The following CACNB2 variants were observed in gnomAD, a reference collection of about 807,000 sequenced individuals.
The protein encoded by CACNB2 is calcium voltage-gated channel auxiliary subunit beta 2.
Under a neutral mutation model 73.3 loss-of-function variants are expected in CACNB2, and 42 were observed. The ratio of observed to expected loss-of-function variants is 0.57; its 90% CI spans 0.45 to 0.74. The LOEUF is 0.74. CACNB2 is among the 30% of genes least tolerant of loss of function. The pLI is 0.00. For missense variants in CACNB2, 940 were observed against 853.0 expected, an observed-to-expected ratio of 1.10 and a Z score of -1.27; for synonymous variants, 348 against 310.3, an observed-to-expected ratio of 1.12 and a Z score of -1.28.
intron 2 of CACNB2, among the ~76,000 whole-genome samples, chr10:18,381,449 G>A (rs2043013041): frequency 6.6e-6 from 1 of 152,150 alleles, no homozygotes. Flanking sequence ...CCAAAACTTT[G>A]GGAGGCTGAG....
At chr10:18,279,768 T>C (rs1033076506) in intron 2 of CACNB2, among the ~76,000 whole-genome samples, 14 of 152,182 alleles carry the variant, frequency 9.2e-5, no homozygotes, top group Non-Finnish European at 2.1e-4. Flanking sequence ...AAGCCTAGCT[T>C]GAGCTAAAGA....
chr10:18,408,641 A>G (rs528959563), intron 3 of CACNB2, among the ~76,000 whole-genome samples: 2 of 152,326 alleles, frequency 1.3e-5, no homozygotes, highest in South Asian at 4.1e-4. Context: ...GCCTAAAACC[A>G]AGATGCTCAG....
chr10:18,517,356 C>A lies in CACNB2; in HGVS notation c.805-980C>A, dbSNP rs560345394. On this transcript the variant is annotated intron_variant, in intron 7 of 13. Transcript: ENST00000324631. ...TCAAAAGAGCCAATTTTAATATAAA[C>A]CAATTTGCTGTTACCTAATTTTTGG... 3.3e-5 allele frequency among the ~76,000 whole-genome samples: 5 copies of A among 152,100 alleles called. No individual in the cohort carries two copies. The South Asian group carries it at 1.0e-3, about 32-fold the overall frequency.
intron 3 of CACNB2, among the ~76,000 whole-genome samples, chr10:18,409,295 T>G (rs111313358): frequency 0.029 from 3,096 of 105,472 alleles, 107 homozygotes; most frequent in South Asian, 0.21. Flanking sequence ...GGAAACTCTG[T>G]CTCCAGGAAA....
At chr10:18,150,589 G>A (rs1222550536) in intron 1 of CACNB2, among the ~76,000 whole-genome samples, 6 of 152,172 alleles carry the variant, frequency 3.9e-5, no homozygotes, top group African/African-American at 1.4e-4. Flanking sequence ...CTTGAACCTG[G>A]GAGGCGGAGG....
chr10:18,400,659 T>TTTC, intron 2 of CACNB2: 1 of 945,870 alleles, frequency 1.1e-6, no homozygotes, highest in Non-Finnish European at 1.2e-6. Context: ...TTTTTTTTTC[T>TTTC]GCGATTCTTT....
chr10:18,260,342 G>A (rs767064235), intron 2 of CACNB2: 94 of 659,430 alleles, frequency 1.4e-4, no homozygotes, highest in Non-Finnish European at 1.7e-4. Flanking sequence ...CTAAATCATA[G>A]GTGGTATGAG....
At chr10:18,195,715 A>T (rs2034594644) in intron 2 of CACNB2, among the ~76,000 whole-genome samples, 1 of 152,190 alleles carries the variant, frequency 6.6e-6, no homozygotes, top group South Asian at 2.1e-4. Context: ...GCATTCGTTG[A>T]TAAGTGGTGG....
At chr10:18,408,715 T>C (rs2044436103) in intron 3 of CACNB2, among the ~76,000 whole-genome samples, 1 of 152,224 alleles carries the variant, frequency 6.6e-6, no homozygotes, top group Non-Finnish European at 1.5e-5. Context: ...ACATTCTTTC[T>C]CTTGCTGGAT....
chr10:18,511,285 T>C (rs556053665), intron 6 of CACNB2, among the ~76,000 whole-genome samples: 1 of 152,310 alleles, frequency 6.6e-6, no homozygotes, highest in African/African-American at 2.4e-5. Context: ...TGATTATTTG[T>C]AATAGTGTAC....
intron 2 of CACNB2, among the ~76,000 whole-genome samples, chr10:18,223,015 T>A (rs939762360): frequency 3.9e-5 from 6 of 152,188 alleles, no homozygotes; most frequent in African/African-American, 1.4e-4. Flanking sequence ...CTTTGAGTGT[T>A]CTGTGTGTTA....
chr10:18,453,093 C>T (rs973081263), intron 3 of CACNB2, among the ~76,000 whole-genome samples: 5 of 152,184 alleles, frequency 3.3e-5, no homozygotes, highest in Non-Finnish European at 7.3e-5. Context: ...TCTGCTGCTA[C>T]CTCATTAGTC....
At chr10:18,508,758 C>T (rs978636817) in intron 6 of CACNB2, among the ~76,000 whole-genome samples, 5 of 152,268 alleles carry the variant, frequency 3.3e-5, no homozygotes, top group East Asian at 3.9e-4. Context: ...AAAAGTCTGA[C>T]GTCAAACCAT....
chr10:18,339,122 A>G (rs1477626293), intron 2 of CACNB2, among the ~76,000 whole-genome samples: 1 of 152,066 alleles, frequency 6.6e-6, no homozygotes. Flanking sequence ...ATGTGAGGGT[A>G]TCCCTGGGTA....
rs563682397 is a variant in CACNB2 at position 18,198,430 on chromosome 10, C to A, written c.213+47455C>A. On this transcript the variant is annotated intron_variant, in intron 2 of 13. Transcript: ENST00000324631. ...GTAGCCATCAATCTTCACCACGCTG[C>A]ACTCTGCAAAGCTTCCTAGTTGGTG... 2.8e-4 allele frequency among the ~76,000 whole-genome samples: 42 copies of A among 152,210 alleles called. No individual in the cohort carries two copies. In the South Asian group the frequency reaches 4.4e-3, roughly 16 times the overall value.
At chr10:18,450,602 C>T (rs576089345) in intron 3 of CACNB2, among the ~76,000 whole-genome samples, 4 of 151,258 alleles carry the variant, frequency 2.6e-5, no homozygotes, top group East Asian at 3.9e-4. Flanking sequence ...AAATGACCCT[C>T]GCCAGCTCCA....
rs141783687 is a variant in CACNB2 at position 18,322,607 on chromosome 10, T to C, written c.214-79317T>C. Reference sequence around the variant, plus strand: ...ATGATTTTATTTCCTTTTAGGAAAATGGAGTAGCTTTTAATGTTCTATTAA... The same window carrying C: ...ATGATTTTATTTCCTTTTAGGAAAACGGAGTAGCTTTTAATGTTCTATTAA... On this transcript the variant is annotated intron_variant, in intron 2 of 13. Transcript: ENST00000324631. Among the ~76,000 whole-genome samples the C allele has an allele frequency of 1.5e-3, 223 of 152,304 alleles. 1 individual carries two copies. The highest frequency in any genetic ancestry group is 4.9e-3 in the African/African-American group (202 of 41,560).
intron 2 of CACNB2, among the ~76,000 whole-genome samples, chr10:18,364,172 CTGACCTCAGGTGATCAGG>C (rs1453287686): frequency 6.6e-6 from 1 of 152,060 alleles, no homozygotes; most frequent in African/African-American, 2.4e-5. Flanking sequence ...TCTTGAACTC[CTGACCTCAGGTGATCAGG>C]TGATCCACCC....
At chr10:18,529,615 C>G (rs2052797331) in intron 10 of CACNB2, among the ~76,000 whole-genome samples, 1 of 152,086 alleles carries the variant, frequency 6.6e-6, no homozygotes, top group African/African-American at 2.4e-5. Context: ...CAGTGAAAGC[C>G]ACAACAGGCT....
Sources: allele counts gnomAD v4.1 joint callset (sites outside exome capture counted in the v4.1 genomes callset), GRCh38; gene constraint gnomAD v4.1.1; transcripts MANE v1.5; gene names NCBI Gene and HGNC (gene_info 2026-07-23, HGNC 2026-07-21).